SLC4A10: variants seen among roughly 807,000 people sequenced by gnomAD.
SLC4A10 encodes sodium-driven chloride bicarbonate exchanger.
Under a neutral mutation model 137.7 loss-of-function variants are expected in SLC4A10, and 42 were observed. The ratio of observed to expected loss-of-function variants is 0.30; its 90% CI spans 0.24 to 0.39. SLC4A10 has a LOEUF of 0.39. Among genes scored for constraint, SLC4A10 ranks in the 10% least tolerant of loss-of-function variants. The pLI is 1.00. For missense variants in SLC4A10, 925 were observed against 1,355.0 expected (o/e 0.68, Z 4.98); for synonymous variants, 474 against 464.1 (o/e 1.02, Z -0.27).
intron 8 of SLC4A10, 28 bp from the exon 9 acceptor site, chr2:161,879,103 T>G (rs772019116): frequency 1.1e-5 from 17 of 1,606,658 alleles, no homozygotes; most frequent in Non-Finnish European, 8.5e-7. Context: ...AATTTTGATT[T>G]ATCATATTTA....
intron 3 of SLC4A10, among the ~76,000 whole-genome samples, chr2:161,826,414 A>C (rs1030346618): frequency 6.6e-6 from 1 of 152,322 alleles, no homozygotes; most frequent in South Asian, 2.1e-4. Flanking sequence ...TTAAAATGGA[A>C]GTTTTTCAAT....
chr2:161,652,603 A>G (rs73007062), intron 1 of SLC4A10, among the ~76,000 whole-genome samples: 2 of 152,182 alleles, frequency 1.3e-5, no homozygotes, highest in African/African-American at 4.8e-5. Flanking sequence ...TAGTGGCAAG[A>G]ATATTAGCAT....
intron 6 of SLC4A10, among the ~76,000 whole-genome samples, chr2:161,868,257 C>T (rs1254377560): frequency 1.3e-5 from 2 of 151,634 alleles, no homozygotes. Context: ...TTTTAAAATA[C>T]TGCTATTAAT....
At chr2:161,933,915 G>A (rs1559568028) in intron 15 of SLC4A10, among the ~76,000 whole-genome samples, 1 of 152,100 alleles carries the variant, frequency 6.6e-6, no homozygotes, top group Non-Finnish European at 1.5e-5. Flanking sequence ...TTTTCCATAT[G>A]GCTGTACTAA....
At chr2:161,678,826 T>C (rs12474470) in intron 1 of SLC4A10, among the ~76,000 whole-genome samples, 11,347 of 152,246 alleles carry the variant, frequency 0.075, 540 homozygotes, top group East Asian at 0.14. Context: ...TATTTCATTA[T>C]ATGAACATAC....
At position 161,787,882 on chromosome 2, in the gene SLC4A10, G is replaced by A. The variant is rs747728107; in HGVS notation, c.131-16567G>A. Reference sequence around the variant, plus strand: ...ATATCATTGCACTTCTTTAGAATCCGTATCTTGAATTCCTTATCAGTCATT... The same window carrying A: ...ATATCATTGCACTTCTTTAGAATCCATATCTTGAATTCCTTATCAGTCATT... On this transcript the variant is annotated intron_variant, in intron 2 of 26. Coordinates refer to ENST00000446997, the MANE Select transcript of SLC4A10 (RefSeq NM_001178015.2). Among the ~76,000 whole-genome samples the A allele has an allele frequency of 9.2e-4, 140 of 151,954 alleles. 1 individual carries two copies. Among genetic ancestry groups the A allele is most frequent in the Admixed American group, 1.8e-3 (28 of 15,228 alleles).
chr2:161,872,887 T>C (rs969705676), intron 7 of SLC4A10, among the ~76,000 whole-genome samples: 1 of 152,130 alleles, frequency 6.6e-6, no homozygotes, highest in Non-Finnish European at 1.5e-5. Context: ...CTAATTTTTG[T>C]ATTTTTAGTA....
At chr2:161,660,179 T>C (rs2038101081) in intron 1 of SLC4A10, among the ~76,000 whole-genome samples, 3 of 152,346 alleles carry the variant, frequency 2.0e-5, no homozygotes, top group Middle Eastern at 6.8e-3. Flanking sequence ...GAATTACATC[T>C]CAATAAAACT....
chr2:161,765,412 G>C (rs2050695875), intron 1 of SLC4A10, among the ~76,000 whole-genome samples: 7 of 152,034 alleles, frequency 4.6e-5, no homozygotes, highest in Admixed American at 4.6e-4. Flanking sequence ...TTCAAGACCA[G>C]GTTGGCCAAT....
At chr2:161,754,606 G>A (rs1400848119) in intron 1 of SLC4A10, among the ~76,000 whole-genome samples, 1 of 152,098 alleles carries the variant, frequency 6.6e-6, no homozygotes, top group East Asian at 1.9e-4. Context: ...GTGATTGACT[G>A]AGTCACAAGG....
At position 161,983,434 on chromosome 2, in the gene SLC4A10, C is replaced by T; in HGVS notation, c.*282C>T. ...AGTGAGACATCCCTGTGAGCAGATA[C>T]AATAGCCAATGCAAGAATCTGTGTG... On this transcript the variant is annotated 3_prime_UTR_variant, in exon 27 of 27. Transcript: ENST00000446997. 1 of 563,618 alleles carries T rather than the reference C, an allele frequency of 1.8e-6. No homozygotes were observed. The highest frequency in any genetic ancestry group is 3.1e-6 in the Non-Finnish European group (1 of 322,070). 34.9% of individuals were successfully genotyped at this position (563,618 alleles called of 1,614,324 possible). A position where few individuals can be genotyped will look rare whatever the true frequency, so the allele number is the denominator to read the frequency against.
At position 161,675,291 on chromosome 2, in the gene SLC4A10, G is replaced by A. The variant is rs191938117; in HGVS notation, c.48+50725G>A. Among the ~76,000 whole-genome samples, 17 of 152,212 alleles carry A rather than the reference G, an allele frequency of 1.1e-4. No homozygotes were observed. The South Asian group carries it at 1.5e-3, about 13-fold the overall frequency. On this transcript the variant is annotated intron_variant, in intron 1 of 26. Transcript: ENST00000446997. ...GTATTTTATTCTCCAAAGATGCCAC[G>A]GATGATCTTCATGATGGTGATTATC...
intron 3 of SLC4A10, among the ~76,000 whole-genome samples, chr2:161,815,573 TGAC>T (rs1172984024): frequency 2.0e-5 from 3 of 152,128 alleles, no homozygotes; most frequent in African/African-American, 7.2e-5. Flanking sequence ...TCTTAAAATT[TGAC>T]GACAAGCGAT....
chr2:161,906,975 GA>G, intron 15 of SLC4A10, among the ~76,000 whole-genome samples: 1 of 146,180 alleles, frequency 6.8e-6, no homozygotes, highest in East Asian at 2.2e-4. Flanking sequence ...AGAATGGCGT[GA>G]ACCCGGGAGG....
At chr2:161,688,791 C>T (rs1302839619) in intron 1 of SLC4A10, among the ~76,000 whole-genome samples, 1 of 152,038 alleles carries the variant, frequency 6.6e-6, no homozygotes, top group East Asian at 1.9e-4. Flanking sequence ...CACAGATTAT[C>T]GATTTTCTAT....
At chr2:161,667,126 T>C (rs1489272577) in intron 1 of SLC4A10, among the ~76,000 whole-genome samples, 2 of 151,708 alleles carry the variant, frequency 1.3e-5, no homozygotes, top group African/African-American at 4.8e-5. Flanking sequence ...ATTTGGATTA[T>C]GTTGAGAGAT....
chr2:161,867,061 A>C (rs1309930112), intron 6 of SLC4A10, among the ~76,000 whole-genome samples: 1 of 151,900 alleles, frequency 6.6e-6, no homozygotes, highest in African/African-American at 2.4e-5. Flanking sequence ...AAAGTCTCTA[A>C]CTACTGTTCA....
intron 11 of SLC4A10, among the ~76,000 whole-genome samples, chr2:161,899,161 T>A (rs938160292): frequency 1.3e-5 from 2 of 152,078 alleles, no homozygotes; most frequent in African/African-American, 4.8e-5. Flanking sequence ...TCTCTTCACA[T>A]CTACTCAAGA....
chr2:161,807,734 G>C (rs2056140151), intron 3 of SLC4A10, among the ~76,000 whole-genome samples: 1 of 151,798 alleles, frequency 6.6e-6, no homozygotes, highest in Non-Finnish European at 1.5e-5. Context: ...TACCTTTACT[G>C]CCTCTTTTAT....
Sources: allele counts gnomAD v4.1 joint callset (sites outside exome capture counted in the v4.1 genomes callset), GRCh38; gene constraint gnomAD v4.1.1; transcripts MANE v1.5; gene names NCBI Gene and HGNC (gene_info 2026-07-23, HGNC 2026-07-21).